Variants in MYO18B observed in about 807,000 individuals in gnomAD.
MYO18B encodes unconventional myosin-XVIIIb.
A neutral mutation model predicts 273.0 loss-of-function variants in MYO18B; 204 were observed. That is an observed-to-expected ratio of 0.75 (90% CI 0.67 to 0.84). MYO18B has a LOEUF of 0.84. Ranked by LOEUF, MYO18B falls within the 40% of genes least tolerant of loss-of-function variation. The pLI is 0.00. For missense variants in MYO18B, 3,212 were observed against 3,287.6 expected, an observed-to-expected ratio of 0.98 and a Z score of 0.56; for synonymous variants, 1,330 against 1,305.7, an observed-to-expected ratio of 1.02 and a Z score of -0.40.
intron 42 of MYO18B, among the ~76,000 whole-genome samples, chr22:26,009,176 C>T (rs149959531): frequency 7.5e-4 from 115 of 152,332 alleles, no homozygotes; most frequent in African/African-American, 2.5e-3. Context: ...ATGCCTTTAA[C>T]TTCTGCTGTG....
chr22:25,751,180 C>A (rs1289081319), intron 1 of MYO18B, among the ~76,000 whole-genome samples: 1 of 152,188 alleles, frequency 6.6e-6, no homozygotes, highest in Non-Finnish European at 1.5e-5. Context: ...TTATCCATAG[C>A]CCTGATTTTG....
chr22:25,873,256 A>C (rs1045410069), intron 22 of MYO18B, among the ~76,000 whole-genome samples: 2 of 152,126 alleles, frequency 1.3e-5, no homozygotes, highest in African/African-American at 4.8e-5. Context: ...AGAGTGCTGC[A>C]GAGGCCATCA....
chr22:26,047,554 A>G, the MYO18B span, among the ~76,000 whole-genome samples: 2 of 152,290 alleles, frequency 1.3e-5, no homozygotes, highest in Non-Finnish European at 2.9e-5. Flanking sequence ...ACCATGATCT[A>G]TCCTTGTGTT....
At chr22:25,742,785 A>G (rs1052883956) in intron 1 of MYO18B, among the ~76,000 whole-genome samples, 2 of 152,208 alleles carry the variant, frequency 1.3e-5, no homozygotes, top group African/African-American at 4.8e-5. Flanking sequence ...TTAAACTGCA[A>G]ATTAAGCATG....
chr22:25,777,250 C>T (rs2086949473), intron 7 of MYO18B, among the ~76,000 whole-genome samples: 1 of 152,192 alleles, frequency 6.6e-6, no homozygotes, highest in Non-Finnish European at 1.5e-5. Context: ...ATCCAGCTGC[C>T]TCGCTTCAGG....
intron 34 of MYO18B, among the ~76,000 whole-genome samples, chr22:25,939,067 G>A (rs1294751128): frequency 6.6e-6 from 1 of 152,074 alleles, no homozygotes; most frequent in East Asian, 1.9e-4. Context: ...CTCCCACCTC[G>A]GCCTCACAAC....
intron 39 of MYO18B, among the ~76,000 whole-genome samples, chr22:25,989,219 A>G (rs946968885): frequency 2.0e-5 from 3 of 152,110 alleles, no homozygotes; most frequent in Non-Finnish European, 4.4e-5. Context: ...CCCACTTAAG[A>G]ACCCAAGACC....
chr22:25,836,653 T>TA (rs1213616134), intron 17 of MYO18B, among the ~76,000 whole-genome samples: 1 of 152,076 alleles, frequency 6.6e-6, no homozygotes, highest in Non-Finnish European at 1.5e-5. Flanking sequence ...CCTACAACAC[T>TA]AGGCACTTAA....
At chr22:26,008,544 G>A (rs932749959) in intron 42 of MYO18B, among the ~76,000 whole-genome samples, 7 of 152,162 alleles carry the variant, frequency 4.6e-5, no homozygotes, top group Admixed American at 3.3e-4. Flanking sequence ...TATTTATAAG[G>A]GGACGTCAAC....
chr22:25,795,068 T>C lies in MYO18B; in HGVS notation c.2377-2885T>C, dbSNP rs1302313235. On this transcript the variant is annotated intron_variant, in intron 11 of 43. Transcript: ENST00000335473. ...ACACTGGGTCTGTGAGATGCCTATATGTGGCTGCGTGTCTCAGTGGCTTGT... is the reference window on the plus strand; with the variant it reads ...ACACTGGGTCTGTGAGATGCCTATACGTGGCTGCGTGTCTCAGTGGCTTGT... 3.9e-5 allele frequency among the ~76,000 whole-genome samples: 6 copies of C among 152,360 alleles called. No individual in the cohort carries two copies. The East Asian group carries it at 1.2e-3, about 29-fold the overall frequency.
intron 7 of MYO18B, among the ~76,000 whole-genome samples, chr22:25,772,921 G>A (rs1186511139): frequency 6.6e-6 from 1 of 152,154 alleles, no homozygotes; most frequent in South Asian, 2.1e-4. Flanking sequence ...AAACTCTCAG[G>A]TCTAGCGAGC....
intron 36 of MYO18B, 21 bp downstream of exon 36, chr22:25,947,849 GGAA>G: frequency 6.3e-7 from 1 of 1,587,022 alleles, no homozygotes; most frequent in Non-Finnish European, 8.6e-7. Context: ...AGACCTTGGT[GGAA>G]GAAGCTCAGG....
At chr22:25,934,743 C>G (rs1019099495) in intron 34 of MYO18B, among the ~76,000 whole-genome samples, 9 of 152,086 alleles carry the variant, frequency 5.9e-5, no homozygotes, top group Non-Finnish European at 1.2e-4. Flanking sequence ...TTCTGATAAG[C>G]CTTTCCAAAG....
At chr22:25,828,476 G>A (rs2089576590) in intron 14 of MYO18B, among the ~76,000 whole-genome samples, 1 of 151,832 alleles carries the variant, frequency 6.6e-6, no homozygotes, top group Non-Finnish European at 1.5e-5. Context: ...GGCTTCATAT[G>A]GTAGCCAACT....
chr22:25,877,310 A>G (rs2146202457), intron 24 of MYO18B: 1 of 152,346 alleles, frequency 6.6e-6, no homozygotes, highest in South Asian at 2.1e-4. Context: ...CTCTTTAAAA[A>G]AAAAAATTCA....
At chr22:25,786,271 G>C (rs1346614037) in intron 11 of MYO18B, among the ~76,000 whole-genome samples, 1 of 152,150 alleles carries the variant, frequency 6.6e-6, no homozygotes, top group Non-Finnish European at 1.5e-5. Context: ...GAATATGTCA[G>C]AGGTTGCATG....
chr22:25,852,214 A>G (rs1338328562), intron 21 of MYO18B, among the ~76,000 whole-genome samples: 1 of 152,164 alleles, frequency 6.6e-6, no homozygotes, highest in Non-Finnish European at 1.5e-5. Flanking sequence ...CTCTGCCTGG[A>G]GCACTCGTTC....
chr22:26,043,070 T>TC, the MYO18B span, among the ~76,000 whole-genome samples: 1 of 152,148 alleles, frequency 6.6e-6, no homozygotes, highest in African/African-American at 2.4e-5. Context: ...TGTTCCCTCC[T>TC]CCCCCAAGCA....
At chr22:26,057,904 T>C in the MYO18B span, among the ~76,000 whole-genome samples, 1 of 152,144 alleles carries the variant, frequency 6.6e-6, no homozygotes, top group Non-Finnish European at 1.5e-5. Context: ...GGCAGATAAG[T>C]AGCAAGCATG....
Sources: allele counts gnomAD v4.1 joint callset (sites outside exome capture counted in the v4.1 genomes callset), GRCh38; gene constraint gnomAD v4.1.1; transcripts MANE v1.5; gene names NCBI Gene and HGNC (gene_info 2026-07-23, HGNC 2026-07-21).